The following PDGFA variants were observed in gnomAD, a reference collection of about 807,000 sequenced individuals.
PDGFA encodes platelet-derived growth factor subunit A.
In PDGFA, 9 loss-of-function variants were observed where a neutral mutation model predicts 25.6. That is an observed-to-expected ratio of 0.35 (90% CI 0.21 to 0.61). PDGFA has a LOEUF of 0.61. PDGFA is among the 20% of genes least tolerant of loss of function. The pLI, the probability that PDGFA is intolerant of heterozygous loss-of-function variation, is 0.75. For missense variants in PDGFA, 242 were observed against 272.8 expected (o/e 0.89, Z 0.79); for synonymous variants, 133 against 111.8 (o/e 1.19, Z -1.20).
intron 2 of PDGFA, chr7:512,892 G>C (rs967785324): frequency 1.5e-5 from 4 of 268,318 alleles, no homozygotes; most frequent in Non-Finnish European, 3.0e-5. Flanking sequence ...CTCTGTCTGG[G>C]GGCTGGAGCG....
rs1006816267 is a variant in PDGFA at position 513,509 on chromosome 7, C to T, written c.161-1054G>A. ...AGCTGGGGAGTCTCTTCCCATCTCC[C>T]TCCATCCTGCCCCCCCCACCATATA... On this transcript the variant is annotated intron_variant, in intron 2 of 5. Coordinates refer to ENST00000402802, the Ensembl canonical transcript of PDGFA. 25 of 116,044 alleles carry T rather than the reference C, an allele frequency of 2.2e-4. 1 individual carries two copies. The highest frequency in any genetic ancestry group is 2.0e-5 in the Non-Finnish European group (1 of 51,018). 7.2% of individuals were successfully genotyped at this position (116,044 alleles called of 1,614,324 possible). A position where few individuals can be genotyped will look rare whatever the true frequency, so the allele number is the denominator to read the frequency against.
At chr7:519,905 C>G (rs1366428137), upstream of PDGFA, 3 of 31,906 alleles carry the variant, frequency 9.4e-5, no homozygotes, top group Non-Finnish European at 1.7e-4. Flanking sequence ...CTCCCCCGCC[C>G]CCGCCCCCGC....
At chr7:501,701 G>C (rs1782347946) in intron 4 of PDGFA, among the ~76,000 whole-genome samples, 1 of 152,192 alleles carries the variant, frequency 6.6e-6, no homozygotes, top group Non-Finnish European at 1.5e-5. Flanking sequence ...GGAACTTCAA[G>C]TGAGAGCCGC....
chr7:500,977 C>T lies in PDGFA; in HGVS notation c.580+139G>A, dbSNP rs1399363768. ...CCCCCGCAGGCATCTGGCCCGGGAGCAGGGCAACGAATCCTTCAACAGCAG... is the reference window on the plus strand; with the variant it reads ...CCCCCGCAGGCATCTGGCCCGGGAGTAGGGCAACGAATCCTTCAACAGCAG... On this transcript the variant is annotated intron_variant, in intron 5 of 5. Coordinates refer to ENST00000402802, the Ensembl canonical transcript of PDGFA. This position sits in a 1 kb window ranked among gnomAD's most constrained non-coding sequence, Gnocchi z 5.0. 1 of 1,599,246 alleles carries T rather than the reference C, an allele frequency of 6.3e-7. No homozygotes were observed. Among genetic ancestry groups the T allele is most frequent in the Non-Finnish European group, 8.5e-7 (1 of 1,178,584 alleles).
intron 5 of PDGFA, among the ~76,000 whole-genome samples, chr7:499,260 GCTGACCAACAGTC>G (rs1281895144): frequency 1.3e-5 from 2 of 152,226 alleles, no homozygotes; most frequent in Admixed American, 6.5e-5. Context: ...CAAAGCCAAG[GCTGACCAACAGTC>G]CTGGACTGCT....
chr7:506,784 C>G (rs187705377), intron 4 of PDGFA, among the ~76,000 whole-genome samples: 29 of 152,324 alleles, frequency 1.9e-4, no homozygotes, highest in African/African-American at 6.5e-4. Context: ...CAGTCACTCC[C>G]CCAGGGCTGC....
At chr7:505,727 T>C (rs1782530834) in intron 4 of PDGFA, among the ~76,000 whole-genome samples, 1 of 152,114 alleles carries the variant, frequency 6.6e-6, no homozygotes, top group African/African-American at 2.4e-5. Context: ...TCACACAGCG[T>C]TGAATCTCCA....
chr7:501,379 G>A, intron 4 of PDGFA, 137 bp from the exon 5 acceptor site: 1 of 1,033,582 alleles, frequency 9.7e-7, no homozygotes, highest in Non-Finnish European at 1.5e-6. Context: ...ACACTACCTT[G>A]TGGTGGGGAG....
At position 500,894 on chromosome 7, in the gene PDGFA, C is replaced by T; in HGVS notation, c.580+222G>A. The T allele has an allele frequency of 6.3e-7, 1 of 1,579,334 alleles. No individual in the cohort carries two copies. The highest frequency in any genetic ancestry group is 8.5e-7 in the Non-Finnish European group (1 of 1,169,980). On this transcript the variant is annotated intron_variant, in intron 5 of 5. Coordinates refer to ENST00000402802, the Ensembl canonical transcript of PDGFA. This position sits in a 1 kb window ranked among gnomAD's most constrained non-coding sequence, Gnocchi z 5.0. ...GTGAGACCTGAATCTCCTCTCCTGC[C>T]AGTGCCGCAGCTTGGGCCACCCTCC...
intron 4 of PDGFA, among the ~76,000 whole-genome samples, chr7:506,227 T>C (rs1782561768): frequency 6.7e-6 from 1 of 149,946 alleles, no homozygotes; most frequent in Non-Finnish European, 1.5e-5. Context: ...TTCATACCTG[T>C]GATCCCAGGA....
intron 3 of PDGFA, 122 bp from the exon 4 acceptor site, chr7:511,118 T>G: frequency 2.7e-6 from 2 of 738,066 alleles, no homozygotes; most frequent in Non-Finnish European, 4.5e-6. Context: ...CCAGGATTCC[T>G]CCCAGGCAGC....
chr7:516,290 T>C (rs1353106841), intron 2 of PDGFA, among the ~76,000 whole-genome samples: 1 of 138,954 alleles, frequency 7.2e-6, no homozygotes, highest in Admixed American at 7.7e-5. Context: ...TGTTAGAAAA[T>C]GGTTTTGGCA....
chr7:511,096 G>T, intron 3 of PDGFA, 100 bp from the exon 4 acceptor site: 1 of 900,012 alleles, frequency 1.1e-6, no homozygotes, highest in Non-Finnish European at 1.7e-6. Flanking sequence ...GGCAACCAGG[G>T]TAAGCCACAG....
exon 1 of PDGFA, chr7:519,079 G>A: frequency 8.7e-7 from 1 of 1,143,382 alleles, no homozygotes; most frequent in South Asian, 1.4e-5. Context: ...CTGTGGCGGC[G>A]AAATTCAGTA....
chr7:514,963 G>A (rs916743821), intron 2 of PDGFA, among the ~76,000 whole-genome samples: 4 of 149,854 alleles, frequency 2.7e-5, no homozygotes, highest in African/African-American at 4.9e-5. Context: ...GTCAAGGAGC[G>A]GCCAAGACCC....
At chr7:501,068 C>G (rs1200006943) in intron 5 of PDGFA, 48 bp downstream of exon 5, 1 of 1,614,038 alleles carries the variant, frequency 6.2e-7, no homozygotes. Flanking sequence ...AAGCAAGGCT[C>G]TGAAGACCTG....
chr7:503,148 G>A (rs1329449288), intron 4 of PDGFA, among the ~76,000 whole-genome samples: 3 of 152,142 alleles, frequency 2.0e-5, no homozygotes, highest in African/African-American at 7.2e-5. Context: ...TGAGGCGCAG[G>A]CAAGCTCTAA....
intron 2 of PDGFA, among the ~76,000 whole-genome samples, chr7:516,495 G>A (rs1366219678): frequency 1.3e-5 from 2 of 151,996 alleles, no homozygotes; most frequent in Non-Finnish European, 2.9e-5. Context: ...CAAGTTCATC[G>A]CAGAGCCCCT....
rs1782210881 is a variant in PDGFA, at chr7:499,021, T to A, written c.581-447A>T. On this transcript the variant is annotated intron_variant, in intron 5 of 5. Coordinates refer to ENST00000402802, the Ensembl canonical transcript of PDGFA. The stretch of plus-strand genomic sequence containing the variant: ...CCCAGGCAGACCTATGCTGATCGTT[T>A]AAGAACAATTCTTCCACATCCCATG... Among the ~76,000 whole-genome samples, 7 of 152,352 alleles carry A rather than the reference T, an allele frequency of 4.6e-5. No individual in the cohort carries two copies. The South Asian group carries it at 1.4e-3, about 32-fold the overall frequency.
Sources: gnomAD v4.1 joint callset for allele counts (sites outside exome capture counted in the v4.1 genomes callset) on GRCh38, gnomAD v4.1.1 for gene constraint, Gnocchi (gnomAD v3.1) non-coding constraint, MANE v1.5 for transcripts, NCBI Gene and HGNC (gene_info 2026-07-23, HGNC 2026-07-21) for gene names.